The following PIP4K2A variants were observed in gnomAD, a reference collection of about 807,000 sequenced individuals.
PIP4K2A encodes the protein phosphatidylinositol-5-phosphate 4-kinase type 2 alpha, also known as phosphatidylinositol 5-phosphate 4-kinase type-2 alpha.
PIP4K2A carries 14 observed loss-of-function variants against 42.9 expected under a neutral mutation model. The ratio of observed to expected loss-of-function variants is 0.33; its 90% confidence interval spans 0.22 to 0.51. The LOEUF is 0.51. Ranked by LOEUF, PIP4K2A falls within the 20% of genes least tolerant of loss-of-function variation. PIP4K2A has a pLI of 0.97. For missense variants in PIP4K2A, 434 were observed against 519.8 expected (o/e 0.83, Z 1.61); for synonymous variants, 192 against 192.2 (o/e 1.00, Z 0.01).
Position 22,536,969 on chromosome 10 carries a change from CA to C in PIP4K2A, c.*231del, listed in dbSNP as rs1835950415. The C allele has an allele frequency of 3.4e-5, 1 of 29,268 alleles. No homozygotes were observed. Among genetic ancestry groups the C allele is most frequent in the Non-Finnish European group, 5.7e-5 (1 of 17,484 alleles). The allele number at this position is 29,268 out of a possible 1,614,324, so 1.8% of individuals were successfully genotyped here. A position where few individuals can be genotyped will look rare whatever the true frequency, so the allele number is the denominator to read the frequency against. On this transcript the variant is annotated 3_prime_UTR_variant, in exon 10 of 10. Transcript: ENST00000376573. The stretch of plus-strand genomic sequence containing the variant: ...CGCGCACACACTCACCCCCCCCCAA[CA>C]CACACACACACACATATACACAAAG...
chr10:22,608,071 C>T (rs1310897599), intron 2 of PIP4K2A, 48 bp from the exon 3 acceptor site: 5 of 1,220,286 alleles, frequency 4.1e-6, no homozygotes, highest in Non-Finnish European at 6.0e-6. Flanking sequence ...GTCAATCAGA[C>T]TTGCATCTGC....
At chr10:22,658,621 G>C (rs1187435288) in intron 1 of PIP4K2A, among the ~76,000 whole-genome samples, 10 of 152,188 alleles carry the variant, frequency 6.6e-5, no homozygotes. Flanking sequence ...TCTTAGACTA[G>C]ATCTTTACCA....
intron 1 of PIP4K2A, among the ~76,000 whole-genome samples, chr10:22,693,163 T>C (rs1839908310): frequency 6.6e-6 from 1 of 152,240 alleles, no homozygotes; most frequent in African/African-American, 2.4e-5. Context: ...AGATCACAGA[T>C]TTGTCAAGGT....
At position 22,714,397 on chromosome 10, in the gene PIP4K2A, C is replaced by G. The variant is rs1833971483; in HGVS notation, c.-71G>C. 5.3e-6 allele frequency: 6 copies of G among 1,139,216 alleles called. No individual in the cohort carries two copies. The highest frequency in any genetic ancestry group is 7.0e-5 in the South Asian group (2 of 28,600). 70.6% of individuals were successfully genotyped at this position (1,139,216 alleles called of 1,614,324 possible). A position where few individuals can be genotyped will look rare whatever the true frequency, so the allele number is the denominator to read the frequency against. Reference sequence around the variant, plus strand: ...GACCCGCCCTCTCTACACCCCGGCCCGGGGAGGCAGCCGCATCCCCCCGGC... The same window carrying G: ...GACCCGCCCTCTCTACACCCCGGCCGGGGGAGGCAGCCGCATCCCCCCGGC... On this transcript the variant is annotated 5_prime_UTR_variant, in exon 1 of 10. Transcript: ENST00000376573.
chr10:22,687,921 T>C (rs1839794481), intron 1 of PIP4K2A, among the ~76,000 whole-genome samples: 1 of 152,206 alleles, frequency 6.6e-6, no homozygotes, highest in African/African-American at 2.4e-5. Context: ...GCGAGATCAT[T>C]GATAGATGAA....
At chr10:22,551,972 T>A (rs559002383) in intron 6 of PIP4K2A, among the ~76,000 whole-genome samples, 5 of 152,356 alleles carry the variant, frequency 3.3e-5, no homozygotes, top group African/African-American at 1.2e-4. Flanking sequence ...GCAACACATA[T>A]GTACATAAAT....
chr10:22,612,379 C>T (rs550002920), intron 1 of PIP4K2A, among the ~76,000 whole-genome samples: 1 of 152,300 alleles, frequency 6.6e-6, no homozygotes, highest in East Asian at 1.9e-4. Flanking sequence ...GTGAGGCTTC[C>T]CTGGGCAGCA....
intron 8 of PIP4K2A, 115 bp downstream of exon 8, chr10:22,541,689 A>G: frequency 8.4e-7 from 1 of 1,188,638 alleles, no homozygotes; most frequent in Non-Finnish European, 1.2e-6. Context: ...TGGAGTTTGG[A>G]GGATGAGTGC....
At chr10:22,571,446 G>A (rs1836985588) in intron 5 of PIP4K2A, among the ~76,000 whole-genome samples, 1 of 152,224 alleles carries the variant, frequency 6.6e-6, no homozygotes, top group South Asian at 2.1e-4. Flanking sequence ...AGACTTTTCT[G>A]ATGACATTGG....
In PIP4K2A at chr10:22,539,903, GAGAGAGAGGGAGAGAGAGAGA is replaced by G. The variant is rs1564410936; in HGVS notation, c.1140+47_1140+67del. The G allele has an allele frequency of 3.4e-3, 1,440 of 424,722 alleles. 17 individuals are homozygous for G. In the African/African-American group the frequency reaches 0.044, roughly 13 times the overall value. 26.3% of individuals were successfully genotyped at this position (424,722 alleles called of 1,614,324 possible). ...AGGAGCCAGGAGAGAGAGAGAGAGA[GAGAGAGAGGGAGAGAGAGAGA>G]GAGAGAGGGAGAGAAAGAGAGAAGG... On this transcript the variant is annotated intron_variant, in intron 9 of 9. Coordinates refer to ENST00000376573, the MANE Select transcript of PIP4K2A (RefSeq NM_005028.5).
intron 8 of PIP4K2A, among the ~76,000 whole-genome samples, chr10:22,540,688 C>T (rs1315007713): frequency 6.6e-6 from 1 of 151,982 alleles, no homozygotes; most frequent in Non-Finnish European, 1.5e-5. Context: ...GCCGAGTAGC[C>T]GGGATTACAG....
intron 5 of PIP4K2A, among the ~76,000 whole-genome samples, chr10:22,570,337 C>T (rs1588632629): frequency 1.3e-5 from 2 of 152,218 alleles, no homozygotes; most frequent in African/African-American, 4.8e-5. Context: ...CATAAAAGAA[C>T]AACATGTGAC....
chr10:22,599,332 C>T (rs1011048636), intron 3 of PIP4K2A, among the ~76,000 whole-genome samples: 1 of 152,218 alleles, frequency 6.6e-6, no homozygotes, highest in African/African-American at 2.4e-5. Flanking sequence ...CCCTATCCCC[C>T]AGCCTAGAAA....
intron 1 of PIP4K2A, among the ~76,000 whole-genome samples, chr10:22,614,968 C>A (rs1311316376): frequency 6.6e-6 from 1 of 152,074 alleles, no homozygotes; most frequent in Non-Finnish European, 1.5e-5. Flanking sequence ...TTTCAGATTT[C>A]AAAATAAAGA....
In PIP4K2A at chr10:22,571,560, T is replaced by TGCCTTGGCAAAATCAC. The variant is rs1415939144; in HGVS notation, c.639+1735_639+1750dup. Among the ~76,000 whole-genome samples, 6 of 152,336 alleles carry TGCCTTGGCAAAATCAC rather than the reference T, an allele frequency of 3.9e-5. No individual in the cohort carries two copies. The East Asian group carries it at 1.2e-3, about 29-fold the overall frequency. ...CAATGTGTTCCAAATGGCAAGTGCA[T>TGCCTTGGCAAAATCAC]GCCTTGGCAAAATCACACATTCAAA... is the stretch of plus-strand genomic sequence containing the variant. On this transcript the variant is annotated intron_variant, in intron 5 of 9. Coordinates refer to ENST00000376573, the MANE Select transcript of PIP4K2A (RefSeq NM_005028.5).
At chr10:22,539,886 G>GGA (rs982297619) in intron 9 of PIP4K2A, 85 bp downstream of exon 9, 220 of 699,062 alleles carry the variant, frequency 3.1e-4, no homozygotes, top group Middle Eastern at 6.2e-4. Context: ...AGAGGAGCCA[G>GGA]GAGAGAGAGA....
intron 1 of PIP4K2A, among the ~76,000 whole-genome samples, chr10:22,664,079 A>C (rs1328544209): frequency 1.2e-5 from 1 of 80,144 alleles, no homozygotes; most frequent in South Asian, 3.2e-4. Flanking sequence ...ATATATACGT[A>C]TATATATATA....
intron 1 of PIP4K2A, among the ~76,000 whole-genome samples, chr10:22,659,400 C>G (rs1171499): frequency 0.24 from 36,952 of 152,086 alleles, 4,924 homozygotes; most frequent in Non-Finnish European, 0.31. Flanking sequence ...TGAGACCGGC[C>G]TAGCCAATAT....
intron 1 of PIP4K2A, among the ~76,000 whole-genome samples, chr10:22,677,381 T>C (rs928793021): frequency 2.6e-5 from 4 of 152,078 alleles, no homozygotes; most frequent in Non-Finnish European, 5.9e-5. Flanking sequence ...TACACAGAGA[T>C]AGGGCTAGCG....
Sources: allele counts gnomAD v4.1 joint callset (sites outside exome capture counted in the v4.1 genomes callset), GRCh38; gene constraint gnomAD v4.1.1; transcripts MANE v1.5; gene names NCBI Gene and HGNC (gene_info 2026-07-23, HGNC 2026-07-21).